GPC5: variants seen among roughly 807,000 people sequenced by gnomAD.
GPC5 encodes the protein glypican 5, also known as glypican-5.
A neutral mutation model predicts 53.9 loss-of-function variants in GPC5; 47 were observed. That is an observed-to-expected ratio of 0.87 (90% confidence interval 0.69 to 1.11). The LOEUF (loss-of-function observed/expected upper bound fraction) is 1.11, where lower values mean the gene tolerates loss of function less well. Ranked by LOEUF, GPC5 falls within the 50% of genes most tolerant of loss-of-function variation. The pLI is 0.00. For missense variants in GPC5, 748 were observed against 713.1 expected, an observed-to-expected ratio of 1.05 and a Z score of -0.56; for synonymous variants, 286 against 263.3, an observed-to-expected ratio of 1.09 and a Z score of -0.84.
At chr13:92,344,691 G>A (rs2043396021) in intron 7 of GPC5, among the ~76,000 whole-genome samples, 1 of 152,074 alleles carries the variant, frequency 6.6e-6, no homozygotes, top group African/African-American at 2.4e-5. Flanking sequence ...CTGCAGGCAG[G>A]GTCTTACGTA....
At chr13:92,119,912 C>G (rs2041634910) in intron 6 of GPC5, among the ~76,000 whole-genome samples, 1 of 152,002 alleles carries the variant, frequency 6.6e-6, no homozygotes, top group African/African-American at 2.4e-5. Context: ...GAGGAAAAAG[C>G]ACTGGGTCTA....
At chr13:92,659,938 G>A (rs1276820902) in intron 7 of GPC5, among the ~76,000 whole-genome samples, 3 of 152,094 alleles carry the variant, frequency 2.0e-5, no homozygotes, top group Admixed American at 6.6e-5. Context: ...AAAGAAACCC[G>A]TGTGGAAAGA....
intron 7 of GPC5, among the ~76,000 whole-genome samples, chr13:92,843,957 G>T (rs1346696573): frequency 6.6e-6 from 1 of 151,216 alleles, no homozygotes; most frequent in Non-Finnish European, 1.5e-5. Context: ...CTTTGCCCCT[G>T]GCTGTTAGGC....
At chr13:91,886,950 G>T (rs2039329828) in intron 5 of GPC5, among the ~76,000 whole-genome samples, 1 of 152,032 alleles carries the variant, frequency 6.6e-6, no homozygotes, top group Non-Finnish European at 1.5e-5. Flanking sequence ...TCTGGAGGAT[G>T]GTGGCCCTCT....
At chr13:92,841,291 A>G (rs975832563) in intron 7 of GPC5, among the ~76,000 whole-genome samples, 1 of 152,150 alleles carries the variant, frequency 6.6e-6, no homozygotes, top group African/African-American at 2.4e-5. Flanking sequence ...CAGTAGACCT[A>G]GTTTTAAATT....
intron 7 of GPC5, among the ~76,000 whole-genome samples, chr13:92,260,502 C>T (rs895809899): frequency 2.6e-5 from 4 of 152,164 alleles, no homozygotes; most frequent in Non-Finnish European, 4.4e-5. Context: ...TTGAGGCAGG[C>T]CTTCACTGAG....
intron 2 of GPC5, among the ~76,000 whole-genome samples, chr13:91,510,496 A>C (rs1885178136): frequency 6.6e-6 from 1 of 152,194 alleles, no homozygotes; most frequent in African/African-American, 2.4e-5. Flanking sequence ...AAGTAGGATA[A>C]ACATTTATAG....
intron 7 of GPC5, among the ~76,000 whole-genome samples, chr13:92,454,807 G>T (rs1202679872): frequency 2.0e-5 from 3 of 152,056 alleles, no homozygotes; most frequent in Admixed American, 2.0e-4. Context: ...TCCTTTTAGT[G>T]ATTTTTTTAA....
chr13:91,572,341 C>T (rs141284708), intron 2 of GPC5, among the ~76,000 whole-genome samples: 1 of 151,508 alleles, frequency 6.6e-6, no homozygotes, highest in Non-Finnish European at 1.5e-5. Context: ...AGTTAAAGGA[C>T]AGTCTGTATC....
intron 2 of GPC5, among the ~76,000 whole-genome samples, chr13:91,577,695 T>G (rs1443846018): frequency 2.6e-5 from 4 of 152,172 alleles, no homozygotes; most frequent in African/African-American, 7.2e-5. Flanking sequence ...GCTGTGAGCT[T>G]CTTCTTCTAA....
intron 3 of GPC5, among the ~76,000 whole-genome samples, chr13:91,699,639 C>T (rs1334360484): frequency 2.0e-5 from 3 of 152,010 alleles, no homozygotes; most frequent in South Asian, 2.1e-4. Context: ...CAATTGAGAG[C>T]GGAAAATATA....
At chr13:91,622,701 T>C (rs1226973326) in intron 2 of GPC5, among the ~76,000 whole-genome samples, 1 of 152,118 alleles carries the variant, frequency 6.6e-6, no homozygotes, top group Non-Finnish European at 1.5e-5. Flanking sequence ...CCTTTGTGAT[T>C]TTCAACAGCA....
intron 7 of GPC5, among the ~76,000 whole-genome samples, chr13:92,539,867 C>T (rs1263071481): frequency 1.3e-5 from 2 of 151,884 alleles, no homozygotes; most frequent in Non-Finnish European, 2.9e-5. Flanking sequence ...TTTGCCACCC[C>T]CCAGTTTTCT....
chr13:92,728,941 G>A (rs1379671339), intron 7 of GPC5, among the ~76,000 whole-genome samples: 1 of 151,328 alleles, frequency 6.6e-6, no homozygotes, highest in Non-Finnish European at 1.5e-5. Flanking sequence ...AGGGCAAAGA[G>A]TCGATTTACT....
At chr13:92,757,240 G>C (rs147155400) in intron 7 of GPC5, among the ~76,000 whole-genome samples, 14 of 151,892 alleles carry the variant, frequency 9.2e-5, no homozygotes, top group Middle Eastern at 3.4e-3. Flanking sequence ...GAAAGGATTC[G>C]TATTTAATAA....
chr13:91,439,319 C>T (rs917736185), intron 1 of GPC5, among the ~76,000 whole-genome samples: 12 of 152,266 alleles, frequency 7.9e-5, no homozygotes, highest in South Asian at 6.2e-4. Context: ...TTGCTGGGTT[C>T]GAGACAGCTC....
intron 6 of GPC5, among the ~76,000 whole-genome samples, chr13:92,116,009 G>A (rs1402806750): frequency 6.6e-6 from 1 of 152,132 alleles, no homozygotes; most frequent in Non-Finnish European, 1.5e-5. Flanking sequence ...CTAGCACTTT[G>A]GGAGGCTGAG....
At chr13:91,764,195 A>G (rs2037475327) in intron 5 of GPC5, among the ~76,000 whole-genome samples, 1 of 152,180 alleles carries the variant, frequency 6.6e-6, no homozygotes, top group African/African-American at 2.4e-5. Flanking sequence ...AAGTCCTGAC[A>G]TTCCTAACTA....
At chr13:92,597,673 T>A (rs1401535601) in intron 7 of GPC5, among the ~76,000 whole-genome samples, 2 of 152,158 alleles carry the variant, frequency 1.3e-5, no homozygotes, top group African/African-American at 4.8e-5. Flanking sequence ...AGTGTAGGCA[T>A]CCATTTTATT....
Sources: allele counts gnomAD v4.1 joint callset (sites outside exome capture counted in the v4.1 genomes callset), GRCh38; gene constraint gnomAD v4.1.1; transcripts MANE v1.5; gene names NCBI Gene and HGNC (gene_info 2026-07-23, HGNC 2026-07-21).